The following ENO4 variants were observed in gnomAD, a reference collection of about 807,000 sequenced individuals.
The protein encoded by ENO4 is enolase 4.
ENO4 carries 53 observed loss-of-function variants against 63.2 expected under a neutral mutation model. That is an observed-to-expected ratio of 0.84 (90% CI 0.67 to 1.05). The LOEUF is 1.05. ENO4 is among the 50% of genes least tolerant of loss of function. The pLI is 0.00. For synonymous variants in ENO4, 266 were observed against 283.8 expected (o/e 0.94, Z 0.63); for missense variants, 719 against 772.0 (o/e 0.93, Z 0.81).
chr10:116,874,037 A>G (rs1637574), intron 9 of ENO4, 39 bp from the exon 10 acceptor site: 1,501,094 of 1,501,646 alleles, frequency 1, 750,273 homozygotes, highest in Non-Finnish European at 1. Context: ...TGAATTCATT[A>G]TTTATCCCTT....
chr10:116,878,324 T>C (rs779420012), intron 11 of ENO4, among the ~76,000 whole-genome samples: 27 of 152,186 alleles, frequency 1.8e-4, no homozygotes, highest in Non-Finnish European at 2.5e-4. Context: ...TGGAAGAAGA[T>C]GCTCAGGCAG....
At position 116,875,961 on chromosome 10, in the gene ENO4, A is replaced by C. The variant is rs188582345; in HGVS notation, c.1342-104A>C. ...GAAGTAAAAGAAAATTGTTTTGTGC[A>C]TCTCAGGAAAAATGTGTGAGCTTGA... On this transcript the variant is annotated intron_variant, in intron 10 of 13. Coordinates refer to ENST00000341276, the MANE Select transcript of ENO4 (RefSeq NM_001242699.2). 1,266 of 844,654 alleles carry C rather than the reference A, an allele frequency of 1.5e-3. 8 individuals carry two copies. In the African/African-American group the frequency reaches 0.02, roughly 13 times the overall value. The allele number at this position is 844,654 out of a possible 1,614,324, so 52.3% of individuals were successfully genotyped here.
intron 8 of ENO4, among the ~76,000 whole-genome samples, chr10:116,870,340 A>G (rs974992939): frequency 3.9e-5 from 6 of 152,196 alleles, no homozygotes; most frequent in Admixed American, 3.3e-4. Flanking sequence ...ACTAAAATCC[A>G]TCTTCAGTAT....
chr10:116,882,947 T>C (rs942395124), downstream of ENO4: 1 of 150,548 alleles, frequency 6.6e-6, no homozygotes, highest in African/African-American at 2.5e-5. Context: ...CATGACTGGG[T>C]GTTCACATAC....
downstream of ENO4, chr10:116,885,003 G>A (rs1276254806): frequency 6.6e-6 from 1 of 152,364 alleles, no homozygotes; most frequent in Non-Finnish European, 1.5e-5. Context: ...ATCATTATTG[G>A]GAGAACATGG....
At chr10:116,881,150 C>T (rs1846995879) in intron 13 of ENO4, among the ~76,000 whole-genome samples, 1 of 152,220 alleles carries the variant, frequency 6.6e-6, no homozygotes, top group South Asian at 2.1e-4. Context: ...TGGTCCTCGC[C>T]TGCCATCATT....
At position 116,871,187 on chromosome 10, in the gene ENO4, A is replaced by T. The variant is rs902867220; in HGVS notation, c.1110A>T (p.Glu370Asp). The T allele has an allele frequency of 6.4e-7, 1 of 1,550,416 alleles. No homozygotes were observed. Among genetic ancestry groups the T allele is most frequent in the African/African-American group, 1.4e-5 (1 of 73,054 alleles). Residue 370 changes from glutamate (E) to aspartate (D), a missense_variant, in exon 9 of 14, where the codon GAA (glutamate) becomes GAT (aspartate). Physicochemically the swap from Glu to Asp is conservative, Grantham distance 45. This residue lies in a region of ENO4 where 544 missense variants were observed against 583.6 expected (regional missense o/e 0.93). Transcript: ENST00000341276. ...GCLTINCDSIEQPLLLIQEIC... is the reference protein window; with the variant it reads ...GCLTINCDSIDQPLLLIQEIC... ...TAACCATTAACTGTGACTCCATAGA[A>T]CAGCCACTGCTTCTAATACAGGAAA... is the stretch of plus-strand genomic sequence containing the variant.
At chr10:116,879,845 A>C (rs750190066) in intron 12 of ENO4, 24 bp from the exon 13 acceptor site, 3 of 1,522,540 alleles carry the variant, frequency 2.0e-6, no homozygotes, top group Non-Finnish European at 2.7e-6. Context: ...CTCCGTCTAA[A>C]ATTAGTTTTT....
At chr10:116,876,844 G>C (rs1396348788) in intron 11 of ENO4, among the ~76,000 whole-genome samples, 1 of 152,086 alleles carries the variant, frequency 6.6e-6, no homozygotes, top group Non-Finnish European at 1.5e-5. Flanking sequence ...CCAGCTACTC[G>C]GGAGGCTGAG....
downstream of ENO4, chr10:116,885,772 A>G (rs1847146704): frequency 6.5e-6 from 1 of 153,046 alleles, no homozygotes; most frequent in Admixed American, 6.5e-5. Flanking sequence ...AATGTGTGTA[A>G]TTAACACTGA....
intron 10 of ENO4, among the ~76,000 whole-genome samples, chr10:116,888,919 CTAA>C (rs1473395161): frequency 6.6e-6 from 1 of 152,258 alleles, no homozygotes; most frequent in African/African-American, 2.4e-5. Flanking sequence ...TGCAGCCCAG[CTAA>C]GGTTCCAGGG....
downstream of ENO4, chr10:116,883,005 G>A (rs1358928687): frequency 6.8e-6 from 1 of 148,074 alleles, no homozygotes; most frequent in African/African-American, 2.6e-5. Flanking sequence ...CACACATCAT[G>A]AGACTATGCC....
chr10:116,863,182 T>G (rs1846460787), intron 7 of ENO4, among the ~76,000 whole-genome samples: 1 of 152,184 alleles, frequency 6.6e-6, no homozygotes, highest in Non-Finnish European at 1.5e-5. Flanking sequence ...TGTGCCTGCA[T>G]TAGGATCCTG....
At chr10:116,878,657 T>C (rs1846903027) in intron 11 of ENO4, among the ~76,000 whole-genome samples, 1 of 152,044 alleles carries the variant, frequency 6.6e-6, no homozygotes, top group Non-Finnish European at 1.5e-5. Context: ...AGCCGCGGTC[T>C]TAGAAATGTG....
At chr10:116,885,720 T>C (rs1847145292), downstream of ENO4, 1 of 152,462 alleles carries the variant, frequency 6.6e-6, no homozygotes, top group African/African-American at 2.4e-5. Context: ...CGGGAGGCTT[T>C]GGACACAATC....
intron 10 of ENO4, among the ~76,000 whole-genome samples, chr10:116,899,534 T>TGA (rs1418087915): frequency 2.3e-5 from 2 of 88,096 alleles, no homozygotes; most frequent in Admixed American, 1.2e-4. Flanking sequence ...TGTGTGTGTG[T>TGA]GTGTGTGTGT....
chr10:116,854,091 T>G lies in ENO4; in HGVS notation c.166-1532T>G, dbSNP rs554702958. Among the ~76,000 whole-genome samples the G allele has an allele frequency of 3.3e-5, 5 of 152,298 alleles. No homozygotes were observed. The East Asian group carries it at 9.6e-4, about 29-fold the overall frequency. Reference sequence around the variant, plus strand: ...CTCAGCTTCTCTTTCTTCAGTCTCCTTCTTAGATCACTTCCAAATGGCTTC... The same window carrying G: ...CTCAGCTTCTCTTTCTTCAGTCTCCGTCTTAGATCACTTCCAAATGGCTTC... On this transcript the variant is annotated intron_variant, in intron 1 of 13. Coordinates refer to ENST00000341276, the MANE Select transcript of ENO4 (RefSeq NM_001242699.2).
chr10:116,855,321 G>C (rs1050308224), intron 1 of ENO4, among the ~76,000 whole-genome samples: 1 of 152,096 alleles, frequency 6.6e-6, no homozygotes, highest in Non-Finnish European at 1.5e-5. Context: ...CAGTGACACA[G>C]GGCCTTTTAA....
intron 10 of ENO4, among the ~76,000 whole-genome samples, chr10:116,893,815 C>T (rs980355592): frequency 6.6e-6 from 1 of 152,040 alleles, no homozygotes; most frequent in East Asian, 1.9e-4. Context: ...AATTTTATGC[C>T]AAGTTTCCCT....
Sources: allele counts gnomAD v4.1 joint callset (sites outside exome capture counted in the v4.1 genomes callset), GRCh38; gene constraint gnomAD v4.1.1; regional missense constraint gnomAD v4.1.1; transcripts MANE v1.5; gene names NCBI Gene and HGNC (gene_info 2026-07-23, HGNC 2026-07-21).